NKAIN3: variants seen among roughly 807,000 people sequenced by gnomAD.
NKAIN3 encodes the protein sodium/potassium transporting ATPase interacting 3.
A neutral mutation model predicts 30.2 loss-of-function variants in NKAIN3; 25 were observed. The observed-to-expected ratio is 0.83, with a 90% CI of 0.60 to 1.16. NKAIN3 has a LOEUF of 1.16. NKAIN3 is among the 50% of genes most tolerant of loss of function. The pLI, the probability that NKAIN3 is intolerant of heterozygous loss-of-function variation, is 0.00. For missense variants in NKAIN3, 225 were observed against 254.1 expected (o/e 0.89, Z 0.78); for synonymous variants, 91 against 89.6 (o/e 1.02, Z -0.09).
At chr8:62,454,155 G>T (rs934616932) in intron 1 of NKAIN3, among the ~76,000 whole-genome samples, 8 of 151,628 alleles carry the variant, frequency 5.3e-5, no homozygotes, top group African/African-American at 1.9e-4. Flanking sequence ...ATCCAGTGTT[G>T]TGGACTTCAC....
At chr8:62,858,221 C>T (rs73685818) in intron 4 of NKAIN3, among the ~76,000 whole-genome samples, 1,563 of 152,270 alleles carry the variant, frequency 0.01, 20 homozygotes, top group African/African-American at 0.036. Flanking sequence ...GCAGCCTGCC[C>T]CTTCCTCTGG....
chr8:62,998,399 C>T (rs1201907124), intron 5 of NKAIN3, among the ~76,000 whole-genome samples: 11 of 152,086 alleles, frequency 7.2e-5, no homozygotes, highest in Middle Eastern at 3.2e-3. Context: ...CCTCAGCCTC[C>T]CAAGTAGCTG....
At chr8:62,443,495 T>A (rs1383677176) in intron 1 of NKAIN3, among the ~76,000 whole-genome samples, 1 of 152,142 alleles carries the variant, frequency 6.6e-6, no homozygotes, top group Admixed American at 6.6e-5. Flanking sequence ...GAGATTCTCC[T>A]GCCTCAGCCT....
chr8:62,859,520 A>AAAAAAAAAAAAAAAAAAAAAAAAAAT (rs1345936181), intron 4 of NKAIN3, among the ~76,000 whole-genome samples: 1 of 150,554 alleles, frequency 6.6e-6, no homozygotes, highest in Non-Finnish European at 1.5e-5. Flanking sequence ...AAAAAAAAAA[A>AAAAAAAAAAAAAAAAAAAAAAAAAAT]ACTTCATGGA....
chr8:62,551,051 G>A (rs1481177362), intron 1 of NKAIN3, among the ~76,000 whole-genome samples: 1 of 152,118 alleles, frequency 6.6e-6, no homozygotes, highest in South Asian at 2.1e-4. Flanking sequence ...TCACACTTAG[G>A]CCTTGAAGCA....
At chr8:62,902,676 C>T (rs867621906) in intron 4 of NKAIN3, among the ~76,000 whole-genome samples, 5 of 152,198 alleles carry the variant, frequency 3.3e-5, no homozygotes, top group Non-Finnish European at 7.4e-5. Flanking sequence ...GGATTGTAAA[C>T]GGGTAAATAT....
intron 3 of NKAIN3, among the ~76,000 whole-genome samples, chr8:62,679,966 C>A (rs1220786934): frequency 6.6e-6 from 1 of 152,104 alleles, no homozygotes; most frequent in Non-Finnish European, 1.5e-5. Context: ...TGAGCTTTAT[C>A]TAATAGTCAC....
At chr8:62,334,990 C>T (rs1815491512) in intron 1 of NKAIN3, among the ~76,000 whole-genome samples, 2 of 152,018 alleles carry the variant, frequency 1.3e-5, no homozygotes, top group Admixed American at 1.3e-4. Flanking sequence ...AAGGGACAGG[C>T]CCCCAAACTG....
chr8:62,987,948 G>A (rs1315308733), downstream of NKAIN3, among the ~76,000 whole-genome samples: 1 of 152,184 alleles, frequency 6.6e-6, no homozygotes, highest in Non-Finnish European at 1.5e-5. Flanking sequence ...AGATACAAGG[G>A]GAGTACAGGC....
At chr8:62,660,373 A>G (rs1812906613) in intron 3 of NKAIN3, among the ~76,000 whole-genome samples, 1 of 152,244 alleles carries the variant, frequency 6.6e-6, no homozygotes, top group Non-Finnish European at 1.5e-5. Context: ...TTAGTTTTAC[A>G]ATCTATAATT....
At chr8:62,594,169 G>A (rs1283342604) in intron 3 of NKAIN3, among the ~76,000 whole-genome samples, 1 of 151,894 alleles carries the variant, frequency 6.6e-6, no homozygotes, top group Non-Finnish European at 1.5e-5. Context: ...CCTTGCTCAG[G>A]ATCAATCTAT....
intron 1 of NKAIN3, among the ~76,000 whole-genome samples, chr8:62,452,195 G>T (rs1008476409): frequency 2.6e-5 from 4 of 152,118 alleles, no homozygotes; most frequent in Non-Finnish European, 5.9e-5. Flanking sequence ...GAATTTACTG[G>T]CTGGGTGCAG....
chr8:62,883,457 G>GTTGTTGTTTTTTTTTGTTTTTTTTT, intron 4 of NKAIN3, among the ~76,000 whole-genome samples: 1 of 70,226 alleles, frequency 1.4e-5, no homozygotes, highest in East Asian at 5.9e-4. Context: ...AGTTTTATGG[G>GTTGTTGTTTTTTTTTGTTTTTTTTT]TTTTTTTTTT....
intron 3 of NKAIN3, among the ~76,000 whole-genome samples, chr8:62,692,023 T>C (rs1415207984): frequency 6.6e-6 from 1 of 152,216 alleles, no homozygotes; most frequent in Non-Finnish European, 1.5e-5. Flanking sequence ...TTAGCTGGCC[T>C]ATAATGATCT....
At chr8:62,371,179 A>G (rs557399717) in intron 1 of NKAIN3, among the ~76,000 whole-genome samples, 2 of 151,672 alleles carry the variant, frequency 1.3e-5, no homozygotes, top group African/African-American at 4.8e-5. Context: ...CAGACAACAT[A>G]TTTTGTTGTT....
intron 1 of NKAIN3, among the ~76,000 whole-genome samples, chr8:62,321,494 C>G (rs1488024950): frequency 6.6e-6 from 1 of 152,196 alleles, no homozygotes; most frequent in African/African-American, 2.4e-5. Flanking sequence ...TGGTGACGTA[C>G]AGATGGAGTT....
intron 3 of NKAIN3, among the ~76,000 whole-genome samples, chr8:62,639,285 C>A (rs1812231112): frequency 6.6e-6 from 1 of 152,060 alleles, no homozygotes; most frequent in Non-Finnish European, 1.5e-5. Flanking sequence ...AAAGTAATTC[C>A]AGAAGAGAGG....
intron 1 of NKAIN3, among the ~76,000 whole-genome samples, chr8:62,556,423 C>G (rs1809387777): frequency 6.6e-6 from 1 of 151,020 alleles, no homozygotes; most frequent in Admixed American, 6.6e-5. Flanking sequence ...AAAAAAGGAG[C>G]CTAGAAATTA....
intron 1 of NKAIN3, among the ~76,000 whole-genome samples, chr8:62,485,308 G>A (rs1487180889): frequency 2.0e-5 from 3 of 152,126 alleles, no homozygotes; most frequent in African/African-American, 7.2e-5. Flanking sequence ...AGAAAGCTAC[G>A]TGGTCTCTGT....
Sources: gnomAD v4.1 joint callset for allele counts (sites outside exome capture counted in the v4.1 genomes callset) on GRCh38, gnomAD v4.1.1 for gene constraint, MANE v1.5 for transcripts, NCBI Gene and HGNC (gene_info 2026-07-23, HGNC 2026-07-21) for gene names.